The following SHROOM4 variants were observed in gnomAD, a reference collection of about 807,000 sequenced individuals.
SHROOM4 encodes the protein protein Shroom4.
In SHROOM4, 17 loss-of-function variants were observed where a neutral mutation model predicts 80.3. That is an observed-to-expected ratio of 0.21 (90% confidence interval 0.14 to 0.32). The LOEUF (loss-of-function observed/expected upper bound fraction) is 0.32, where lower values mean the gene tolerates loss of function less well. Ranked by LOEUF, SHROOM4 falls within the 10% of genes least tolerant of loss-of-function variation. The pLI is 1.00. For synonymous variants in SHROOM4, 400 were observed against 437.5 expected (o/e 0.91, Z 1.07); for missense variants, 993 against 1,140.3 (o/e 0.87, Z 1.86).
At chrX:50,695,722 A>G (rs1286107195) in intron 2 of SHROOM4, 64 bp downstream of exon 2, 3 of 1,116,221 alleles carry the variant, frequency 2.7e-6, no homozygotes, top group Non-Finnish European at 3.7e-6. Flanking sequence ...GACTCTATTG[A>G]GCTTTATTAC....
chrX:50,661,535 C>T (rs1368741475), intron 2 of SHROOM4, among the ~76,000 whole-genome samples: 2 of 112,134 alleles, frequency 1.8e-5, no homozygotes, highest in East Asian at 5.6e-4. Context: ...AAAGACTTTT[C>T]TTATTTAAAG....
chrX:50,686,621 C>T (rs185367235), intron 2 of SHROOM4, among the ~76,000 whole-genome samples: 5 of 110,969 alleles, frequency 4.5e-5, no homozygotes, highest in East Asian at 2.8e-4. Flanking sequence ...TATATATACA[C>T]ATATTTTATA....
In SHROOM4 at chrX:50,670,068, T is replaced by C. The variant is rs182403888; in HGVS notation, c.269+25718A>G. On this transcript the variant is annotated intron_variant, in intron 2 of 8. Transcript: ENST00000376020. Reference sequence around the variant, plus strand: ...TGGCCACATTCATCAGAGGATTGTCTATGGCAGCTATAGCCTTACAAAATG... The same window carrying C: ...TGGCCACATTCATCAGAGGATTGTCCATGGCAGCTATAGCCTTACAAAATG... 3.8e-3 allele frequency among the ~76,000 whole-genome samples: 422 copies of C among 112,166 alleles called. 2 individuals are homozygous for C. The highest frequency in any genetic ancestry group is 0.013 in the African/African-American group (391 of 30,838).
At chrX:50,638,547 C>G (rs1224328342) in intron 2 of SHROOM4, among the ~76,000 whole-genome samples, 1 of 112,404 alleles carries the variant, frequency 8.9e-6, no homozygotes, top group African/African-American at 3.2e-5. Flanking sequence ...GAGCACGTAT[C>G]ACAGTGCTGG....
Position 50,593,159 on chromosome X carries a change from A to T in SHROOM4, c.*3536T>A, listed in dbSNP as rs190698695. ...GGGGATGATGAATGGTATAGCATCAATACCATCCCTCAGAGGCCAGGGTAA... is the reference window on the plus strand; with the variant it reads ...GGGGATGATGAATGGTATAGCATCATTACCATCCCTCAGAGGCCAGGGTAA... On this transcript the variant is annotated 3_prime_UTR_variant, in exon 9 of 9. Transcript: ENST00000376020. The T allele has an allele frequency of 3.6e-5, 4 of 112,277 alleles. No individual in the cohort carries two copies. In the East Asian group the frequency reaches 1.1e-3, roughly 32 times the overall value. 9.3% of individuals were successfully genotyped at this position (112,277 alleles called of 1,213,427 possible). A position where few individuals can be genotyped will look rare whatever the true frequency, so the allele number is the denominator to read the frequency against.
At chrX:50,648,594 A>G (rs1931929353) in intron 2 of SHROOM4, among the ~76,000 whole-genome samples, 1 of 112,123 alleles carries the variant, frequency 8.9e-6, no homozygotes, top group African/African-American at 3.2e-5. Context: ...ACAAAATGAG[A>G]GTCAAAAGAA....
intron 8 of SHROOM4, 90 bp downstream of exon 8, chrX:50,598,176 T>G: frequency 8.8e-7 from 1 of 1,134,251 alleles, no homozygotes; most frequent in Non-Finnish European, 1.2e-6. Context: ...GCTCTACTGT[T>G]TCCTATAGTA....
At chrX:50,641,497 A>G (rs1448262796) in intron 2 of SHROOM4, among the ~76,000 whole-genome samples, 1 of 111,862 alleles carries the variant, frequency 8.9e-6, no homozygotes, top group African/African-American at 3.2e-5. Context: ...ATTAGCTCAG[A>G]CTTGTACCTT....
intron 5 of SHROOM4, among the ~76,000 whole-genome samples, chrX:50,623,067 G>T (rs1930639980): frequency 8.9e-6 from 1 of 112,036 alleles, no homozygotes; most frequent in South Asian, 3.7e-4. Flanking sequence ...TGAGGTTGCT[G>T]GGCCTGGGGC....
At chrX:50,766,285 C>A (rs1321665561) in intron 1 of SHROOM4, among the ~76,000 whole-genome samples, 1 of 110,827 alleles carries the variant, frequency 9.0e-6, no homozygotes, top group South Asian at 3.8e-4. Context: ...ATTTAAATAC[C>A]TACATTATTC....
chrX:50,638,118 G>A, intron 3 of SHROOM4, 56 bp downstream of exon 3: 3 of 1,168,743 alleles, frequency 2.6e-6, no homozygotes, highest in Non-Finnish European at 3.5e-6. Flanking sequence ...AGAGGAGGAG[G>A]AGTGTCCAAG....
At chrX:50,597,548 C>G in intron 8 of SHROOM4, among the ~76,000 whole-genome samples, 1 of 111,769 alleles carries the variant, frequency 8.9e-6, no homozygotes, top group East Asian at 2.8e-4. Flanking sequence ...AGACCTCCCC[C>G]TCCAACTCTA....
chrX:50,634,726 A>G lies in SHROOM4; in HGVS notation c.1347T>C (p.Pro449=), dbSNP rs1557255299. ...TCTTCCCTTTGTGGCTGCTGTGCAA[A>G]GGGGACAGAGTCCACTGGTGCCCAT... ...VQDGHQWTLS[P]LHSSHKGKKS... Residue 449 remains proline (P), a synonymous_variant, in exon 4 of 9, where the codon CCT becomes CCC. Coordinates refer to ENST00000376020, the MANE Select transcript of SHROOM4 (RefSeq NM_020717.5). 1 of 1,211,509 alleles carries G rather than the reference A, an allele frequency of 8.3e-7. No homozygotes were observed.
intron 1 of SHROOM4, among the ~76,000 whole-genome samples, chrX:50,787,979 C>G (rs1935780439): frequency 9.0e-6 from 1 of 111,324 alleles, no homozygotes; most frequent in African/African-American, 3.3e-5. Flanking sequence ...AATAATAATA[C>G]AAAAAATACA....
chrX:50,661,721 T>C (rs955556475), intron 2 of SHROOM4, among the ~76,000 whole-genome samples: 2 of 112,257 alleles, frequency 1.8e-5, no homozygotes, highest in Middle Eastern at 4.6e-3. Context: ...TCCTCTTTTA[T>C]TCAGACCTTT....
intron 1 of SHROOM4, among the ~76,000 whole-genome samples, chrX:50,731,657 C>A (rs7054233): frequency 1.8e-4 from 20 of 111,795 alleles, no homozygotes; most frequent in African/African-American, 5.9e-4. Flanking sequence ...CACCTCTCCA[C>A]CTAGCACTCA....
Position 50,644,695 on chromosome X carries a change from C to T in SHROOM4, c.270-6387G>A, listed in dbSNP as rs143308151. ...TGAAGTATGTATGCTAGGGCCTTTC[C>T]TCTCTGGGGAAATCATGCCTGGAGG... On this transcript the variant is annotated intron_variant, in intron 2 of 8. Transcript: ENST00000376020. Among the ~76,000 whole-genome samples the T allele has an allele frequency of 2.8e-3, 317 of 112,745 alleles. 5 individuals carry two copies. Among genetic ancestry groups the T allele is most frequent in the African/African-American group, 9.9e-3 (307 of 31,078 alleles).
intron 2 of SHROOM4, among the ~76,000 whole-genome samples, chrX:50,689,772 C>A (rs1419072989): frequency 8.9e-6 from 1 of 111,877 alleles, no homozygotes; most frequent in Non-Finnish European, 1.9e-5. Context: ...ACGTAAGAAT[C>A]AAAATTTTGC....
Position 50,635,218 on chromosome X carries a change from G to C in SHROOM4, c.855C>G (p.Ala285=). 1 of 1,203,376 alleles carries C rather than the reference G, an allele frequency of 8.3e-7. No individual in the cohort carries two copies. Among genetic ancestry groups the C allele is most frequent in the Non-Finnish European group, 1.1e-6 (1 of 891,039 alleles). ...QPPVRRDSLQ[A]SRAQLLNGEQ... ...CTCCATTGAGGAGTTGGGCTCTGGA[G>C]GCCTGAAGGCTGTCCCGCCTCACTG... The change falls in exon 4 of 9, where the codon GCC becomes GCG. Residue 285 remains alanine (A), a synonymous_variant. Transcript: ENST00000376020.
Sources: allele counts gnomAD v4.1 joint callset (sites outside exome capture counted in the v4.1 genomes callset), GRCh38; gene constraint gnomAD v4.1.1; transcripts MANE v1.5; gene names NCBI Gene and HGNC (gene_info 2026-07-23, HGNC 2026-07-21).